POU2F2: variants seen among roughly 807,000 people sequenced by gnomAD.
POU2F2 encodes POU class 2 homeobox 2, also known as POU domain, class 2, transcription factor 2.
Under a neutral mutation model 63.5 loss-of-function variants are expected in POU2F2, and 14 were observed. That is an observed-to-expected ratio of 0.22 (90% CI 0.15 to 0.34). POU2F2 has a LOEUF of 0.34. Ranked by LOEUF, POU2F2 falls within the 10% of genes least tolerant of loss-of-function variation. POU2F2 has a pLI of 1.00. For synonymous variants in POU2F2, 306 were observed against 348.6 expected (o/e 0.88, Z 1.36); for missense variants, 607 against 815.2 (o/e 0.74, Z 3.11).
intron 1 of POU2F2, among the ~76,000 whole-genome samples, chr19:42,193,270 G>C (rs2035094701): frequency 6.6e-6 from 1 of 150,792 alleles, no homozygotes; most frequent in Non-Finnish European, 1.5e-5. Context: ...AAGATGTCCA[G>C]ACTGAAGCTC....
At chr19:42,157,600 A>G (rs1035743390) in intron 2 of POU2F2, 1 of 152,294 alleles carries the variant, frequency 6.6e-6, no homozygotes, top group Non-Finnish European at 1.5e-5. Context: ...GGGACTGAGT[A>G]TAGACAGATG....
chr19:42,094,939 C>T (rs1023055460), intron 11 of POU2F2, among the ~76,000 whole-genome samples: 5 of 152,208 alleles, frequency 3.3e-5, no homozygotes, highest in African/African-American at 4.8e-5. Flanking sequence ...TTTCCCCGAA[C>T]GGCAAATAAG....
chr19:42,151,287 G>A (rs1285907301), intron 2 of POU2F2, among the ~76,000 whole-genome samples: 2 of 151,686 alleles, frequency 1.3e-5, no homozygotes, highest in African/African-American at 2.4e-5. Context: ...GAGGAGAGGG[G>A]CTGTGGGGAT....
intron 5 of POU2F2, among the ~76,000 whole-genome samples, chr19:42,109,996 C>G (rs1268387059): frequency 6.6e-6 from 1 of 152,104 alleles, no homozygotes; most frequent in Non-Finnish European, 1.5e-5. Flanking sequence ...GTGACTCACG[C>G]TTATAATCCC....
In POU2F2 at chr19:42,095,743, C is replaced by T. The variant is rs377558999; in HGVS notation, c.871+45G>A. The T allele has an allele frequency of 2.9e-4, 475 of 1,612,752 alleles. No individual in the cohort carries two copies. Among genetic ancestry groups the T allele is most frequent in the Non-Finnish European group, 3.9e-4 (462 of 1,179,868 alleles). ...ATGAGAAGGGGCCTCCCGCGGCCAG[C>T]GGCCACTGCCCGCCCCCTACGCGGG... On this transcript the variant is annotated intron_variant, in intron 9 of 14. Transcript: ENST00000692977. The surrounding 1 kb of genome is among the most constrained non-coding windows in gnomAD (Gnocchi z 7.1).
chr19:42,107,923 C>A (rs535567729), intron 5 of POU2F2, among the ~76,000 whole-genome samples: 2 of 152,246 alleles, frequency 1.3e-5, no homozygotes, highest in South Asian at 4.1e-4. Context: ...CTGATCCAGC[C>A]CCACTGATCT....
intron 2 of POU2F2, among the ~76,000 whole-genome samples, chr19:42,150,840 C>T (rs2034333284): frequency 6.6e-6 from 1 of 152,146 alleles, no homozygotes; most frequent in Non-Finnish European, 1.5e-5. Context: ...TGGGCCAGGC[C>T]CCTATCCACA....
chr19:42,135,472 TA>T (rs1008481148), upstream of POU2F2, among the ~76,000 whole-genome samples: 1 of 151,754 alleles, frequency 6.6e-6, no homozygotes, highest in Non-Finnish European at 1.5e-5. Context: ...AACAGGATGA[TA>T]GGGGTGGCAG....
chr19:42,168,306 T>C (rs537328307), intron 1 of POU2F2, among the ~76,000 whole-genome samples: 2 of 152,302 alleles, frequency 1.3e-5, no homozygotes, highest in South Asian at 4.1e-4. Flanking sequence ...ATGCTCTGTC[T>C]AGTCCCTCTC....
chr19:42,159,845 G>T (rs1455960903), intron 2 of POU2F2, among the ~76,000 whole-genome samples: 2 of 152,178 alleles, frequency 1.3e-5, no homozygotes, highest in Non-Finnish European at 2.9e-5. Flanking sequence ...TTTGACAGAT[G>T]GGGAAACTGA....
At chr19:42,134,171 AG>A (rs1196568779), upstream of POU2F2, among the ~76,000 whole-genome samples, 2 of 132,884 alleles carry the variant, frequency 1.5e-5, no homozygotes, top group Admixed American at 1.6e-4. Context: ...GTTTTCAGTT[AG>A]GATTTGTTTT....
chr19:42,108,366 G>A (rs903017965), intron 5 of POU2F2, among the ~76,000 whole-genome samples: 10 of 152,156 alleles, frequency 6.6e-5, no homozygotes, highest in East Asian at 5.8e-4. Context: ...TGAGACAGGT[G>A]GATTGCTTGA....
chr19:42,153,670 T>C lies in POU2F2; in HGVS notation c.-9+6662A>G, dbSNP rs1037086191. On this transcript the variant is annotated intron_variant, in intron 2 of 6. Transcript: ENST00000524801. This position sits in a 1 kb window ranked among gnomAD's most constrained non-coding sequence, Gnocchi z 5.6. ...CATGCGGTTTCTCTGTGTGTCTATG[T>C]GATGCTGTGTGTCCCTGTGTGCCGA... 2.6e-5 allele frequency among the ~76,000 whole-genome samples: 4 copies of C among 152,132 alleles called. No individual in the cohort carries two copies. The highest frequency in any genetic ancestry group is 5.9e-5 in the Non-Finnish European group (4 of 68,006).
upstream of POU2F2, among the ~76,000 whole-genome samples, chr19:42,133,874 C>T (rs1005668406): frequency 1.3e-5 from 2 of 152,132 alleles, no homozygotes; most frequent in African/African-American, 4.8e-5. The surrounding 1 kb of genome is among the most constrained non-coding windows in gnomAD (Gnocchi z 5.1). Context: ...ACAGGAGTGC[C>T]CTCCCCTGAC....
At chr19:42,185,893 A>C (rs1489865250) in intron 1 of POU2F2, among the ~76,000 whole-genome samples, 1 of 152,062 alleles carries the variant, frequency 6.6e-6, no homozygotes, top group Non-Finnish European at 1.5e-5. Flanking sequence ...GGAAAATTGA[A>C]TTTTACTTAT....
intron 2 of POU2F2, among the ~76,000 whole-genome samples, chr19:42,141,611 A>G (rs919184854): frequency 6.7e-6 from 1 of 149,800 alleles, no homozygotes; most frequent in Non-Finnish European, 1.5e-5. Flanking sequence ...CCTCCCGAGT[A>G]GCTGGGATTA....
intron 2 of POU2F2, among the ~76,000 whole-genome samples, chr19:42,138,015 C>T (rs1568409935): frequency 6.6e-6 from 1 of 152,126 alleles, no homozygotes; most frequent in Non-Finnish European, 1.5e-5. Flanking sequence ...TCGCACAGGG[C>T]CTTGCAGGCC....
upstream of POU2F2, among the ~76,000 whole-genome samples, chr19:42,137,253 C>T (rs898307000): frequency 6.6e-6 from 1 of 151,906 alleles, no homozygotes; most frequent in African/African-American, 2.4e-5. Flanking sequence ...GCAGGAGGAT[C>T]ACTTGAGCCC....
intron 2 of POU2F2, among the ~76,000 whole-genome samples, chr19:42,144,850 GC>G (rs1411704232): frequency 6.6e-6 from 1 of 152,176 alleles, no homozygotes; most frequent in Non-Finnish European, 1.5e-5. Context: ...AGCTCTCCTT[GC>G]CCCAGGCCTT....
Sources: gnomAD v4.1 joint callset for allele counts (sites outside exome capture counted in the v4.1 genomes callset) on GRCh38, gnomAD v4.1.1 for gene constraint, Gnocchi (gnomAD v3.1) non-coding constraint, MANE v1.5 for transcripts, NCBI Gene and HGNC (gene_info 2026-07-23, HGNC 2026-07-21) for gene names.